LEMD3: variants seen among roughly 807,000 people sequenced by gnomAD.
LEMD3 encodes the protein inner nuclear membrane protein Man1.
In LEMD3, 33 loss-of-function variants were observed where a neutral mutation model predicts 95.2. The ratio of observed to expected loss-of-function variants is 0.35; its 90% CI spans 0.26 to 0.46. The LOEUF (loss-of-function observed/expected upper bound fraction) is 0.46. Ranked by LOEUF, LEMD3 falls within the 20% of genes least tolerant of loss-of-function variation. The pLI is 1.00. For missense variants in LEMD3, 1,210 were observed against 1,192.8 expected (o/e 1.01, Z -0.21); for synonymous variants, 525 against 474.6 (o/e 1.11, Z -1.38).
intron 1 of LEMD3, among the ~76,000 whole-genome samples, chr12:65,191,079 C>T (rs1158283836): frequency 1.3e-5 from 2 of 151,908 alleles, no homozygotes; most frequent in Admixed American, 6.6e-5. Flanking sequence ...TGCTTGATGT[C>T]AGTTTAACAA....
chr12:65,247,621 A>C lies in LEMD3; in HGVS notation c.*1296A>C, dbSNP rs1871155585. ...TTGGCTTTTTAAAAATAACCTGTTGATATATAATTGTCAGTCCAAATGAAT... is the reference window on the plus strand; with the variant it reads ...TTGGCTTTTTAAAAATAACCTGTTGCTATATAATTGTCAGTCCAAATGAAT... On this transcript the variant is annotated 3_prime_UTR_variant, in exon 13 of 13. Transcript: ENST00000308330. 1 of 152,398 alleles carries C rather than the reference A, an allele frequency of 6.6e-6. No individual in the cohort carries two copies. The highest frequency in any genetic ancestry group is 1.5e-5 in the Non-Finnish European group (1 of 68,014). 9.4% of individuals were successfully genotyped at this position (152,398 alleles called of 1,614,324 possible).
At chr12:65,193,923 T>C (rs1354259566) in intron 1 of LEMD3, among the ~76,000 whole-genome samples, 1 of 152,128 alleles carries the variant, frequency 6.6e-6, no homozygotes, top group East Asian at 1.9e-4. Context: ...CTAGTAAAGA[T>C]AACAAACTTA....
intron 4 of LEMD3, among the ~76,000 whole-genome samples, chr12:65,233,152 G>A (rs1870679101): frequency 6.6e-6 from 1 of 152,034 alleles, no homozygotes; most frequent in African/African-American, 2.4e-5. Flanking sequence ...AACCATAGAG[G>A]GGCTAATAAC....
At chr12:65,204,198 G>T (rs974104205) in intron 1 of LEMD3, among the ~76,000 whole-genome samples, 1 of 150,814 alleles carries the variant, frequency 6.6e-6, no homozygotes, top group Non-Finnish European at 1.5e-5. Flanking sequence ...AAGTTCAGGG[G>T]TACTTGTGCA....
In LEMD3 at chr12:65,170,186, G is replaced by C; in HGVS notation, c.590G>C (p.Trp197Ser). 6.7e-7 allele frequency: 1 copy of C among 1,499,632 alleles called. No homozygotes were observed. The highest frequency in any genetic ancestry group is 8.9e-7 in the Non-Finnish European group (1 of 1,126,608). 92.9% of individuals were successfully genotyped at this position (1,499,632 alleles called of 1,614,324 possible). ...SAERRKPHSW[W>S]GARRPAGPEL... ...GAGCGAAGGAAGCCCCACTCGTGGTGGGGGGCCAGGAGGCCGGCGGGCCCC... is the reference window on the plus strand; with the variant it reads ...GAGCGAAGGAAGCCCCACTCGTGGTCGGGGGCCAGGAGGCCGGCGGGCCCC... Residue 197 changes from tryptophan (W) to serine (S), a missense_variant, in exon 1 of 13, where the codon TGG (tryptophan) becomes TCG (serine). Around this residue, in one of 2 missense-constraint regions of LEMD3, gnomAD observed 749 missense variants for 622.9 expected, o/e 1.20. Transcript: ENST00000308330.
chr12:65,169,584 C>A lies in LEMD3; in HGVS notation c.-13C>A, dbSNP rs758146972. ...CCGGTAGCGCGGAGCTTGTAAAACA[C>A]CCTGGAGAGAAAATGGCGGCGGCAG... On this transcript the variant is annotated 5_prime_UTR_variant, in exon 1 of 13. Transcript: ENST00000308330. 2 of 1,585,990 alleles carry A rather than the reference C, an allele frequency of 1.3e-6. No individual in the cohort carries two copies. The highest frequency in any genetic ancestry group is 2.3e-5 in the East Asian group (1 of 44,008).
Position 65,170,254 on chromosome 12 carries a change from G to A in LEMD3, c.658G>A (p.Glu220Lys). 1.3e-6 allele frequency: 2 copies of A among 1,553,794 alleles called. No individual in the cohort carries two copies. The highest frequency in any genetic ancestry group is 3.4e-4 in the Middle Eastern group (2 of 5,952). ...PPGKDGAVED[E>K]EGEGEDGEER... is the part of the protein sequence containing the mutation. ...GGGGAAAGATGGAGCAGTGGAGGACGAGGAAGGGGAGGGAGAGGACGGTGA... is the reference window on the plus strand; with the variant it reads ...GGGGAAAGATGGAGCAGTGGAGGACAAGGAAGGGGAGGGAGAGGACGGTGA... The change falls in exon 1 of 13, where the codon GAG (glutamate) becomes AAG (lysine). Residue 220 changes from glutamate (E) to lysine (K), a missense_variant. Physicochemically the swap from Glu to Lys is moderately conservative, Grantham distance 56. This residue lies in a region of LEMD3 where 749 missense variants were observed against 622.9 expected (regional missense o/e 1.20). Coordinates refer to ENST00000308330, the MANE Select transcript of LEMD3 (RefSeq NM_014319.5).
chr12:65,235,464 TA>T (rs1203511621), intron 4 of LEMD3, among the ~76,000 whole-genome samples: 1 of 152,120 alleles, frequency 6.6e-6, no homozygotes, highest in Non-Finnish European at 1.5e-5. Context: ...GCCCTACGTA[TA>T]CATGGGTTTT....
chr12:65,217,033 A>C (rs561849141), intron 3 of LEMD3, among the ~76,000 whole-genome samples: 4 of 152,234 alleles, frequency 2.6e-5, no homozygotes, highest in African/African-American at 9.6e-5. Flanking sequence ...TATTGCTAAC[A>C]CAAGCTTCTA....
chr12:65,170,537 G>A lies in LEMD3; in HGVS notation c.941G>A (p.Gly314Glu). 6.2e-7 allele frequency: 1 copy of A among 1,614,106 alleles called. No homozygotes were observed. The highest frequency in any genetic ancestry group is 8.5e-7 in the Non-Finnish European group (1 of 1,180,024). The change falls in exon 1 of 13, where the codon GGA (glycine) becomes GAA (glutamate). Residue 314 changes from glycine (G) to glutamate (E), a missense_variant. By Grantham distance (98) the Gly-to-Glu change is moderately conservative. This residue lies in a region of LEMD3 where 749 missense variants were observed against 622.9 expected (regional missense o/e 1.20). Transcript: ENST00000308330. ...CTGGAGACTTCAGTTCAGGGAGGGG[G>A]AGGACTCGCGATGAATGACAGGGCG... Reference protein sequence around the residue: ...GRLETSVQGGGGLAMNDRAAA... With the variant: ...GRLETSVQGGEGLAMNDRAAA...
chr12:65,170,154 C>A lies in LEMD3; in HGVS notation c.558C>A (p.Asn186Lys). The A allele has an allele frequency of 1.3e-6, 2 of 1,482,978 alleles. No homozygotes were observed. Among genetic ancestry groups the A allele is most frequent in the Admixed American group, 2.7e-5 (1 of 37,198 alleles). The allele number at this position is 1,482,978 out of a possible 1,614,324, so 91.9% of individuals were successfully genotyped here. A position where few individuals can be genotyped will look rare whatever the true frequency, so the allele number is the denominator to read the frequency against. ...CCGCCAGCGAGGTGACTAACAGCAACTCTGCAGAGCGAAGGAAGCCCCACT... is the reference window on the plus strand; with the variant it reads ...CCGCCAGCGAGGTGACTAACAGCAAATCTGCAGAGCGAAGGAAGCCCCACT... Reference protein sequence around the residue: ...PLAASEVTNSNSAERRKPHSW... With the variant: ...PLAASEVTNSKSAERRKPHSW... The change falls in exon 1 of 13, where the codon AAC (asparagine) becomes AAA (lysine). Residue 186 changes from asparagine to lysine, a missense_variant. By Grantham distance (94) the Asn-to-Lys change is moderately conservative. Transcript: ENST00000308330.
chr12:65,246,552 A>G lies in LEMD3; in HGVS notation c.*227A>G. ...GTTTTTGGAGCTCAGTTAAGCCAATACATTTAAAGTTTTGCATGAGGAACA... is the reference window on the plus strand; with the variant it reads ...GTTTTTGGAGCTCAGTTAAGCCAATGCATTTAAAGTTTTGCATGAGGAACA... On this transcript the variant is annotated 3_prime_UTR_variant, in exon 13 of 13. Coordinates refer to ENST00000308330, the MANE Select transcript of LEMD3 (RefSeq NM_014319.5). 1 of 522,836 alleles carries G rather than the reference A, an allele frequency of 1.9e-6. No homozygotes were observed. The highest frequency in any genetic ancestry group is 3.4e-6 in the Non-Finnish European group (1 of 294,014). The allele number at this position is 522,836 out of a possible 1,614,324, so 32.4% of individuals were successfully genotyped here. A position where few individuals can be genotyped will look rare whatever the true frequency, so the allele number is the denominator to read the frequency against.
intron 4 of LEMD3, among the ~76,000 whole-genome samples, chr12:65,237,800 C>T (rs1036321727): frequency 2.6e-5 from 4 of 152,130 alleles, no homozygotes; most frequent in South Asian, 4.1e-4. Flanking sequence ...ATTGGTAACC[C>T]GGTCAGTTTT....
At chr12:65,232,877 T>G (rs901424917) in intron 4 of LEMD3, among the ~76,000 whole-genome samples, 8 of 152,150 alleles carry the variant, frequency 5.3e-5, no homozygotes, top group Non-Finnish European at 1.0e-4. Flanking sequence ...ATGTTTAAGA[T>G]TTGTGAAGAA....
chr12:65,169,645 C>CT lies in LEMD3; in HGVS notation c.53dup (p.Ser19LeufsTer49). The CT allele has an allele frequency of 6.3e-7, 1 of 1,587,750 alleles. No individual in the cohort carries two copies. The highest frequency in any genetic ancestry group is 8.6e-7 in the Non-Finnish European group (1 of 1,168,680). The stretch of plus-strand genomic sequence containing the variant: ...GCCTCAGCAGCTCTCGGATGAGGAG[C>CT]TTTTCTCTCAGCTCCGCCGTTACGG... On this transcript the variant is annotated frameshift_variant, in exon 1 of 13. Transcript: ENST00000308330. LOFTEE classifies it high-confidence loss of function.
At chr12:65,228,108 A>G (rs1481108909) in intron 4 of LEMD3, among the ~76,000 whole-genome samples, 1 of 152,080 alleles carries the variant, frequency 6.6e-6, no homozygotes, top group East Asian at 1.9e-4. Flanking sequence ...GTTGGTGTGG[A>G]ATTATTAACC....
rs544030046 is a variant in LEMD3 at position 65,174,208 on chromosome 12, A to AT, written c.1522+3097dup. The stretch of plus-strand genomic sequence containing the variant: ...TTTGAAACTTTTTCATCAATGCCCT[A>AT]TTTTTTTATTAATTAAATTGCTATA... On this transcript the variant is annotated intron_variant, in intron 1 of 12. Transcript: ENST00000308330. Among the ~76,000 whole-genome samples, 501 of 152,158 alleles carry AT rather than the reference A, an allele frequency of 3.3e-3. 2 individuals carry two copies. The highest frequency in any genetic ancestry group is 0.012 in the African/African-American group (479 of 41,534).
intron 1 of LEMD3, among the ~76,000 whole-genome samples, chr12:65,188,561 T>G (rs188381435): frequency 5.9e-5 from 9 of 152,280 alleles, no homozygotes; most frequent in Admixed American, 5.9e-4. Flanking sequence ...TTACACGGGA[T>G]TGGGTTTTGG....
chr12:65,212,536 CA>C (rs35873080), intron 2 of LEMD3, among the ~76,000 whole-genome samples: 46,653 of 102,540 alleles, frequency 0.45, 8,442 homozygotes, highest in Middle Eastern at 0.56. Context: ...GACTCCATCT[CA>C]AAAAAAAAAA....
Sources: gnomAD v4.1 joint callset for allele counts (sites outside exome capture counted in the v4.1 genomes callset) on GRCh38, gnomAD v4.1.1 for gene constraint, gnomAD v4.1.1 regional missense constraint, MANE v1.5 for transcripts, NCBI Gene and HGNC (gene_info 2026-07-23, HGNC 2026-07-21) for gene names.